Variants in CYTH4 observed in about 807,000 individuals in gnomAD.
The protein encoded by CYTH4 is cytohesin-4.
A neutral mutation model predicts 57.5 loss-of-function variants in CYTH4; 22 were observed. The observed-to-expected ratio is 0.38, with a 90% CI of 0.27 to 0.55. The LOEUF (loss-of-function observed/expected upper bound fraction) is 0.55, where lower values mean the gene tolerates loss of function less well. CYTH4 is among the 20% of genes least tolerant of loss of function. The pLI is 0.74. For missense variants in CYTH4, 420 were observed against 535.6 expected, an observed-to-expected ratio of 0.78 and a Z score of 2.13; for synonymous variants, 186 against 206.5, an observed-to-expected ratio of 0.90 and a Z score of 0.85.
chr22:37,302,506 G>A (rs1009825988), intron 7 of CYTH4, among the ~76,000 whole-genome samples: 3 of 152,174 alleles, frequency 2.0e-5, no homozygotes, highest in Non-Finnish European at 4.4e-5. Flanking sequence ...AACAACGCTC[G>A]GTGCCACTGC....
At position 37,311,363 on chromosome 22, in the gene CYTH4, C is replaced by G; in HGVS notation, c.886-93C>G. ...AGTCTCGGAAGATGAGCACGCTCCT[C>G]TTTGAGTTTGGGGAACCCCACACGT... On this transcript the variant is annotated intron_variant, in intron 10 of 12. Coordinates refer to ENST00000248901, the MANE Select transcript of CYTH4 (RefSeq NM_013385.5). This position sits in a 1 kb window ranked among gnomAD's most constrained non-coding sequence, Gnocchi z 4.4. 1.7e-6 allele frequency: 2 copies of G among 1,145,896 alleles called. No individual in the cohort carries two copies. The highest frequency in any genetic ancestry group is 2.6e-6 in the Non-Finnish European group (2 of 763,168). 71.0% of individuals were successfully genotyped at this position (1,145,896 alleles called of 1,614,324 possible).
At chr22:37,307,774 A>G (rs1319764248) in intron 8 of CYTH4, among the ~76,000 whole-genome samples, 1 of 152,244 alleles carries the variant, frequency 6.6e-6, no homozygotes, top group African/African-American at 2.4e-5. Context: ...TTGAATAAGC[A>G]GAAATGGACA....
rs374588462 is a variant in CYTH4 at position 37,284,441 on chromosome 22, G to A, written c.19+1853G>A. On this transcript the variant is annotated intron_variant, in intron 1 of 12. Transcript: ENST00000248901. ...GGAGGAAGCAACTTTTCCCACTGGGGCAGAGGAGATCTGGGAAGACCTCCT... is the reference window on the plus strand; with the variant it reads ...GGAGGAAGCAACTTTTCCCACTGGGACAGAGGAGATCTGGGAAGACCTCCT... 2.9e-3 allele frequency among the ~76,000 whole-genome samples: 446 copies of A among 152,330 alleles called. 2 individuals are homozygous for A. Among genetic ancestry groups the A allele is most frequent in the African/African-American group, 9.9e-3 (410 of 41,566 alleles).
rs549442895 is a variant in CYTH4 at position 37,308,667 on chromosome 22, A to C, written c.697-545A>C. Among the ~76,000 whole-genome samples the C allele has an allele frequency of 4.9e-5, 7 of 141,452 alleles. No individual in the cohort carries two copies. In the East Asian group the frequency reaches 1.5e-3, roughly 31 times the overall value. 92.8% of individuals were successfully genotyped at this position (141,452 alleles called of 152,430 possible). The stretch of plus-strand genomic sequence containing the variant: ...GCATGTATGTGTGCATATATGTGTG[A>C]GCGTGCTTGCATGTGTAAGTATGCA... On this transcript the variant is annotated intron_variant, in intron 8 of 12. Coordinates refer to ENST00000248901, the MANE Select transcript of CYTH4 (RefSeq NM_013385.5).
Position 37,296,012 on chromosome 22 carries a change from AAGG to A in CYTH4, c.184_186del (p.Glu62del), listed in dbSNP as rs767480116. ...TCATGTCCACAGCCGGATGGCCCAGAAGGAGAAGGAGCTGTGTATTGGGCGCAA... is the reference window on the plus strand; with the variant it reads ...TCATGTCCACAGCCGGATGGCCCAGAAGAAGGAGCTGTGTATTGGGCGCAA... On this transcript the variant is annotated inframe_deletion, in exon 4 of 13. Coordinates refer to ENST00000248901, the MANE Select transcript of CYTH4 (RefSeq NM_013385.5). The A allele has an allele frequency of 1.2e-5, 19 of 1,613,236 alleles. No homozygotes were observed. In the African/African-American group the frequency reaches 2.3e-4, roughly 19 times the overall value.
intron 6 of CYTH4, 114 bp from the exon 7 acceptor site, chr22:37,300,793 C>T: frequency 1.2e-6 from 1 of 819,820 alleles, no homozygotes; most frequent in Non-Finnish European, 1.9e-6. Context: ...ATGACAGTTG[C>T]AGATTCCCCC....
intron 1 of CYTH4, among the ~76,000 whole-genome samples, chr22:37,286,327 G>C (rs1928560572): frequency 6.6e-6 from 1 of 152,172 alleles, no homozygotes; most frequent in Non-Finnish European, 1.5e-5. Context: ...CCTTTGGCAG[G>C]ACACTTCACG....
intron 6 of CYTH4, chr22:37,300,260 T>C (rs1228212282): frequency 1.8e-5 from 13 of 716,394 alleles, no homozygotes; most frequent in African/African-American, 3.5e-5. Flanking sequence ...CCCAGCTCTT[T>C]AAGGGAGAGG....
chr22:37,297,422 G>A, intron 4 of CYTH4, 142 bp from the exon 5 acceptor site: 1 of 646,458 alleles, frequency 1.5e-6, no homozygotes, highest in Non-Finnish European at 2.6e-6. Flanking sequence ...TGAAAGAGGG[G>A]TCAAAACTTC....
At chr22:37,309,178 C>T (rs779377255) in intron 8 of CYTH4, 34 bp from the exon 9 acceptor site, 3 of 1,605,882 alleles carry the variant, frequency 1.9e-6, no homozygotes, top group Non-Finnish European at 2.6e-6. Context: ...GGTGGACTCA[C>T]AGCCAGGTCT....
intron 9 of CYTH4, 139 bp from the exon 10 acceptor site, chr22:37,310,849 G>T (rs923476288): frequency 5.3e-6 from 4 of 760,270 alleles, no homozygotes; most frequent in Admixed American, 4.4e-5. Flanking sequence ...ATAGATGTTG[G>T]GGGGAGGTGT....
chr22:37,292,841 C>G, intron 2 of CYTH4, 138 bp downstream of exon 2: 1 of 760,648 alleles, frequency 1.3e-6, no homozygotes, highest in Non-Finnish European at 2.1e-6. Flanking sequence ...GGCCCCAGCC[C>G]CAGGAGCAGG....
chr22:37,290,750 C>A (rs1009361043), intron 1 of CYTH4, among the ~76,000 whole-genome samples: 4 of 152,196 alleles, frequency 2.6e-5, no homozygotes, highest in Non-Finnish European at 5.9e-5. Flanking sequence ...CCTCGTGACC[C>A]GCCCGCCTCG....
chr22:37,309,274 C>G lies in CYTH4; in HGVS notation c.759C>G (p.Leu253=), dbSNP rs760182971. The change falls in exon 9 of 13, where the codon CTC becomes CTG. Residue 253 remains leucine (L), a synonymous_variant. Coordinates refer to ENST00000248901, the MANE Select transcript of CYTH4 (RefSeq NM_013385.5). ...FSIPEDDGND[L]THTFFNPDRE... Reference sequence around the variant, plus strand: ...TCCCTGAGGACGACGGCAATGACCTCACTCACACCTTCTTCAATCCAGACC... The same window carrying G: ...TCCCTGAGGACGACGGCAATGACCTGACTCACACCTTCTTCAATCCAGACC... 2 of 1,614,166 alleles carry G rather than the reference C, an allele frequency of 1.2e-6. No homozygotes were observed. Among genetic ancestry groups the G allele is most frequent in the South Asian group, 2.2e-5 (2 of 91,088 alleles).
rs1371232831 is a variant in CYTH4, at chr22:37,314,319, A to C, written c.*808A>C. ...GGGAGAGAAAAGCAGTATAGACTCC[A>C]CCTTCCAGGATGTCCATTTCGGGGA... On this transcript the variant is annotated 3_prime_UTR_variant, in exon 13 of 13. Coordinates refer to ENST00000248901, the MANE Select transcript of CYTH4 (RefSeq NM_013385.5). 2.5e-6 allele frequency: 1 copy of C among 398,560 alleles called. No homozygotes were observed. Among genetic ancestry groups the C allele is most frequent in the Admixed American group, 4.4e-5 (1 of 22,724 alleles). The allele number at this position is 398,560 out of a possible 1,614,324, so 24.7% of individuals were successfully genotyped here.
chr22:37,303,240 T>C lies in CYTH4; in HGVS notation c.548-14T>C. ...TGGCCAGGGCCAGAACTGTGACCGC[T>C]GTCCCCTCCGCAGACACCTGCTACG... On this transcript the variant is annotated splice_polypyrimidine_tract_variant and intron_variant, in intron 7 of 12. Coordinates refer to ENST00000248901, the MANE Select transcript of CYTH4 (RefSeq NM_013385.5). 1 of 1,613,842 alleles carries C rather than the reference T, an allele frequency of 6.2e-7. No individual in the cohort carries two copies. Among genetic ancestry groups the C allele is most frequent in the Non-Finnish European group, 8.5e-7 (1 of 1,179,878 alleles).
rs767424515 is a variant in CYTH4 at position 37,295,999 on chromosome 22, C to G, written c.168C>G (p.Ser56Arg). The G allele has an allele frequency of 1.2e-6, 2 of 1,612,476 alleles. No homozygotes were observed. Among genetic ancestry groups the G allele is most frequent in the Non-Finnish European group, 8.5e-7 (1 of 1,179,230 alleles). ...CAAGCTGACGTCCTCATGTCCACAG[C>G]CGGATGGCCCAGAAGGAGAAGGAGC... ...QIDCFESAEE[S>R]RMAQKEKELC... The change falls in exon 4 of 13, where the codon AGC becomes AGG. Residue 56 changes from serine to arginine, a missense_variant and splice_region_variant. Physicochemically the swap from Ser to Arg is moderately radical, Grantham distance 110. Transcript: ENST00000248901. This position sits in a 1 kb window ranked among gnomAD's most constrained non-coding sequence, Gnocchi z 4.1.
chr22:37,294,424 G>A (rs565884738), intron 2 of CYTH4, among the ~76,000 whole-genome samples: 1 of 152,100 alleles, frequency 6.6e-6, no homozygotes, highest in Admixed American at 6.5e-5. Context: ...GACAAGTGGA[G>A]GCATGGGTGC....
Position 37,298,402 on chromosome 22 carries a change from A to G in CYTH4, c.353+720A>G. 1 of 162,780 alleles carries G rather than the reference A, an allele frequency of 6.1e-6. No individual in the cohort carries two copies. The highest frequency in any genetic ancestry group is 1.3e-5 in the Non-Finnish European group (1 of 75,052). 10.1% of individuals were successfully genotyped at this position (162,780 alleles called of 1,614,324 possible). ...AAAAAAAGAAAAGAAAAGAAAACAA[A>G]GAAAGAAAGACATGCTGGGGACCAT... is the stretch of plus-strand genomic sequence containing the variant. On this transcript the variant is annotated intron_variant, in intron 5 of 12. Coordinates refer to ENST00000248901, the MANE Select transcript of CYTH4 (RefSeq NM_013385.5). This position sits in a 1 kb window ranked among gnomAD's most constrained non-coding sequence, Gnocchi z 4.1.
Sources: gnomAD v4.1 joint callset for allele counts (sites outside exome capture counted in the v4.1 genomes callset) on GRCh38, gnomAD v4.1.1 for gene constraint, Gnocchi (gnomAD v3.1) non-coding constraint, MANE v1.5 for transcripts, NCBI Gene and HGNC (gene_info 2026-07-23, HGNC 2026-07-21) for gene names.